BTBD9: variants seen among roughly 807,000 people sequenced by gnomAD.
BTBD9 encodes BTB domain containing 9.
A neutral mutation model predicts 64.3 loss-of-function variants in BTBD9; 49 were observed. The observed-to-expected ratio is 0.76, with a 90% CI of 0.61 to 0.97. The LOEUF (loss-of-function observed/expected upper bound fraction) is 0.97, where lower values mean the gene tolerates loss of function less well. Ranked by LOEUF, BTBD9 falls within the 50% of genes least tolerant of loss-of-function variation. The probability of loss-of-function intolerance (pLI) is 0.00; values close to 1 mark genes in which losing one functional copy is unlikely to be tolerated. For synonymous variants in BTBD9, 260 were observed against 274.7 expected (o/e 0.95, Z 0.53); for missense variants, 598 against 762.1 (o/e 0.78, Z 2.53).
chr6:38,299,656 T>G (rs1387037195), intron 7 of BTBD9, among the ~76,000 whole-genome samples: 1 of 152,254 alleles, frequency 6.6e-6, no homozygotes, highest in Non-Finnish European at 1.5e-5. Flanking sequence ...AAATATCTTC[T>G]TTTGAGAAGT....
At chr6:38,560,004 T>C (rs771960605) in intron 6 of BTBD9, among the ~76,000 whole-genome samples, 5 of 152,116 alleles carry the variant, frequency 3.3e-5, no homozygotes, top group Non-Finnish European at 5.9e-5. Flanking sequence ...ATACCATCTA[T>C]CTATACATCA....
At chr6:38,491,237 C>T (rs80200462) in intron 6 of BTBD9, among the ~76,000 whole-genome samples, 9 of 152,174 alleles carry the variant, frequency 5.9e-5, no homozygotes, top group Non-Finnish European at 1.0e-4. Context: ...CGTGGAAATA[C>T]CCGCAAACAC....
intron 6 of BTBD9, among the ~76,000 whole-genome samples, chr6:38,533,893 T>C (rs568767369): frequency 6.6e-6 from 1 of 152,136 alleles, no homozygotes; most frequent in Non-Finnish European, 1.5e-5. Context: ...AAAGCAGTAG[T>C]AGGAGGAAAG....
At chr6:38,235,444 T>C (rs1302053148) in intron 9 of BTBD9, among the ~76,000 whole-genome samples, 4 of 152,072 alleles carry the variant, frequency 2.6e-5, no homozygotes, top group African/African-American at 9.7e-5. Flanking sequence ...AAGAGGGAAA[T>C]GATTCTGAAA....
intron 6 of BTBD9, among the ~76,000 whole-genome samples, chr6:38,350,034 T>C (rs1452128111): frequency 6.6e-6 from 1 of 152,174 alleles, no homozygotes; most frequent in African/African-American, 2.4e-5. Flanking sequence ...CAGGATCCCT[T>C]CTTGGCAGAG....
chr6:38,438,073 T>C (rs188914291), intron 6 of BTBD9, among the ~76,000 whole-genome samples: 138 of 151,706 alleles, frequency 9.1e-4, no homozygotes, highest in African/African-American at 3.2e-3. Flanking sequence ...ATATTTTCAC[T>C]CACATCAACA....
At chr6:38,558,161 G>A (rs1775108628) in intron 6 of BTBD9, among the ~76,000 whole-genome samples, 1 of 151,982 alleles carries the variant, frequency 6.6e-6, no homozygotes, top group African/African-American at 2.4e-5. Context: ...CTACTCCAGA[G>A]GTTAGAGGGT....
chr6:38,286,990 G>A (rs1761753323), intron 8 of BTBD9, among the ~76,000 whole-genome samples: 1 of 146,196 alleles, frequency 6.8e-6, no homozygotes, highest in Non-Finnish European at 1.5e-5. Context: ...GCTGAGGCAA[G>A]AGAATGGCTT....
intron 1 of BTBD9, among the ~76,000 whole-genome samples, chr6:38,599,356 A>C (rs1403810699): frequency 4.6e-5 from 7 of 152,014 alleles, no homozygotes; most frequent in Admixed American, 4.6e-4. Flanking sequence ...CGTGATCACC[A>C]CTCACTGTAA....
chr6:38,635,571 A>G (rs1269272753), intron 1 of BTBD9, among the ~76,000 whole-genome samples: 1 of 152,174 alleles, frequency 6.6e-6, no homozygotes, highest in Non-Finnish European at 1.5e-5. Context: ...TAGGCCATGA[A>G]GACTCTTTTC....
At chr6:38,487,751 C>T (rs1420955358) in intron 6 of BTBD9, among the ~76,000 whole-genome samples, 1 of 152,094 alleles carries the variant, frequency 6.6e-6, no homozygotes, top group Non-Finnish European at 1.5e-5. Flanking sequence ...CCAGGTATGA[C>T]TAAAACAATT....
In BTBD9 at chr6:38,288,424, G is replaced by C. The variant is rs755260465; in HGVS notation, c.1302C>G (p.Ala434=). The C allele has an allele frequency of 6.2e-7, 1 of 1,613,894 alleles. No individual in the cohort carries two copies. Among genetic ancestry groups the C allele is most frequent in the South Asian group, 1.1e-5 (1 of 91,068 alleles). Reference sequence around the variant, plus strand: ...TCCGACTGACTCCTTCAATCACACTGGCACAATCAGCAATTGTTGCAACAT... The same window carrying C: ...TCCGACTGACTCCTTCAATCACACTCGCACAATCAGCAATTGTTGCAACAT... ...MENVATIADC[A]SVIEGVSRSR... The change falls in exon 8 of 11, where the codon GCC becomes GCG. Residue 434 remains alanine (A), a synonymous_variant. Transcript: ENST00000481247.
chr6:38,390,545 A>G (rs9357270), intron 6 of BTBD9, among the ~76,000 whole-genome samples: 57,530 of 152,036 alleles, frequency 0.38, 13,283 homozygotes, highest in East Asian at 0.87. Flanking sequence ...TGAAATCTTC[A>G]TGAACAACAA....
chr6:38,424,616 A>G lies in BTBD9; in HGVS notation c.1155-79523T>C, dbSNP rs192396364. 2.6e-4 allele frequency among the ~76,000 whole-genome samples: 40 copies of G among 151,932 alleles called. 1 individual carries two copies. In the East Asian group the frequency reaches 7.4e-3, roughly 28 times the overall value. ...ATTGCAACCGCTGCCTCCCGGGTTCAAGAGATTCTCCTGCCTCAGCCTCCC... is the reference window on the plus strand; with the variant it reads ...ATTGCAACCGCTGCCTCCCGGGTTCGAGAGATTCTCCTGCCTCAGCCTCCC... On this transcript the variant is annotated intron_variant, in intron 6 of 10. Coordinates refer to ENST00000481247, the MANE Select transcript of BTBD9 (RefSeq NM_001099272.2).
intron 1 of BTBD9, among the ~76,000 whole-genome samples, chr6:38,608,280 C>T (rs1389210386): frequency 6.6e-6 from 1 of 152,064 alleles, no homozygotes; most frequent in Non-Finnish European, 1.5e-5. Flanking sequence ...TTATTGGTCC[C>T]AAGCCATTGA....
At chr6:38,609,995 T>C (rs1777556807) in intron 1 of BTBD9, among the ~76,000 whole-genome samples, 1 of 152,198 alleles carries the variant, frequency 6.6e-6, no homozygotes. Flanking sequence ...ATAAATATAC[T>C]GACACAAGAA....
At chr6:38,298,922 T>C (rs1762269294) in intron 7 of BTBD9, among the ~76,000 whole-genome samples, 1 of 151,854 alleles carries the variant, frequency 6.6e-6, no homozygotes, top group Non-Finnish European at 1.5e-5. Flanking sequence ...TTGTTACATA[T>C]GTATACATGT....
chr6:38,416,103 G>T (rs1204970867), intron 6 of BTBD9, among the ~76,000 whole-genome samples: 5 of 152,170 alleles, frequency 3.3e-5, no homozygotes, highest in Non-Finnish European at 7.3e-5. Flanking sequence ...AGTACTCTAT[G>T]AGACTGGAGA....
intron 6 of BTBD9, among the ~76,000 whole-genome samples, chr6:38,434,260 C>T (rs1474075504): frequency 6.6e-6 from 1 of 151,924 alleles, no homozygotes; most frequent in Non-Finnish European, 1.5e-5. Flanking sequence ...GAGTCTAGCA[C>T]CTTTTAAAGG....
Sources: allele counts gnomAD v4.1 joint callset (sites outside exome capture counted in the v4.1 genomes callset), GRCh38; gene constraint gnomAD v4.1.1; transcripts MANE v1.5; gene names NCBI Gene and HGNC (gene_info 2026-07-23, HGNC 2026-07-21).